Variants in GRID2 observed in about 807,000 individuals in gnomAD.
GRID2 encodes glutamate receptor ionotropic, delta-2.
A neutral mutation model predicts 114.8 loss-of-function variants in GRID2; 33 were observed. The ratio of observed to expected loss-of-function variants is 0.29; its 90% CI spans 0.22 to 0.38. The LOEUF is 0.38. Ranked by LOEUF, GRID2 falls within the 10% of genes least tolerant of loss-of-function variation. GRID2 has a pLI of 1.00. For synonymous variants in GRID2, 505 were observed against 449.9 expected (o/e 1.12, Z -1.55); for missense variants, 1,184 against 1,257.7 (o/e 0.94, Z 0.89).
At chr4:92,643,815 T>C (rs1021113599) in intron 2 of GRID2, among the ~76,000 whole-genome samples, 1 of 151,776 alleles carries the variant, frequency 6.6e-6, no homozygotes, top group Non-Finnish European at 1.5e-5. Flanking sequence ...TTTCAGAAGA[T>C]ATTTTACATT....
chr4:93,364,128 A>G (rs1762122460), intron 8 of GRID2, among the ~76,000 whole-genome samples: 1 of 152,072 alleles, frequency 6.6e-6, no homozygotes, highest in African/African-American at 2.4e-5. Context: ...ATCTGAAGAC[A>G]TATATACATT....
At chr4:93,697,329 T>C (rs746820731) in intron 14 of GRID2, among the ~76,000 whole-genome samples, 2 of 152,140 alleles carry the variant, frequency 1.3e-5, no homozygotes, top group Non-Finnish European at 2.9e-5. Flanking sequence ...TTGAAGTTGA[T>C]TGGCTTATCA....
chr4:93,456,000 A>T, intron 11 of GRID2, 26 bp downstream of exon 11: 6 of 1,332,938 alleles, frequency 4.5e-6, no homozygotes, highest in South Asian at 2.4e-5. Flanking sequence ...ACATTCTAGT[A>T]TTTAAAAAAA....
intron 14 of GRID2, among the ~76,000 whole-genome samples, chr4:93,677,997 T>C (rs1051220928): frequency 1.9e-4 from 29 of 151,756 alleles, no homozygotes; most frequent in Admixed American, 4.6e-4. Context: ...AGGAGGAAAT[T>C]CAAACCAAAG....
intron 1 of GRID2, among the ~76,000 whole-genome samples, chr4:92,325,046 G>A (rs533390105): frequency 9.0e-4 from 136 of 151,952 alleles, no homozygotes; most frequent in African/African-American, 3.0e-3. Context: ...TGAGCATGCT[G>A]TAATATATAT....
intron 2 of GRID2, among the ~76,000 whole-genome samples, chr4:92,804,732 C>T (rs1443959957): frequency 6.6e-6 from 1 of 151,960 alleles, no homozygotes; most frequent in African/African-American, 2.4e-5. Context: ...ACCAAGATTG[C>T]TTTGTGAGTT....
intron 10 of GRID2, among the ~76,000 whole-genome samples, chr4:93,432,284 A>G (rs899421259): frequency 6.6e-6 from 1 of 152,222 alleles, no homozygotes; most frequent in African/African-American, 2.4e-5. Context: ...AGAGATGAAA[A>G]TGTTCATATC....
chr4:93,103,437 CAATG>C (rs1354824468), intron 3 of GRID2, among the ~76,000 whole-genome samples: 1 of 152,014 alleles, frequency 6.6e-6, no homozygotes, highest in Non-Finnish European at 1.5e-5. Context: ...GTAACTAAAA[CAATG>C]AAAGGTTTTC....
intron 12 of GRID2, among the ~76,000 whole-genome samples, chr4:93,505,365 T>A (rs1728526242): frequency 6.6e-6 from 1 of 152,012 alleles, no homozygotes; most frequent in African/African-American, 2.4e-5. Flanking sequence ...ACATAAATTT[T>A]ACAATCATCC....
At chr4:93,635,078 C>T (rs1354761746) in intron 14 of GRID2, among the ~76,000 whole-genome samples, 2 of 152,014 alleles carry the variant, frequency 1.3e-5, no homozygotes, top group Admixed American at 6.6e-5. Context: ...ACCATACAAC[C>T]TACAGATTTC....
At chr4:93,447,987 C>G (rs1021585589) in intron 10 of GRID2, among the ~76,000 whole-genome samples, 23 of 151,808 alleles carry the variant, frequency 1.5e-4, no homozygotes, top group Admixed American at 1.2e-3. Context: ...AAAGTATTAC[C>G]AAACAGGGTT....
At chr4:92,680,394 G>A (rs1579829216) in intron 2 of GRID2, among the ~76,000 whole-genome samples, 1 of 152,068 alleles carries the variant, frequency 6.6e-6, no homozygotes, top group Admixed American at 6.6e-5. Flanking sequence ...AATCAAATTA[G>A]TCAAGGATTA....
intron 13 of GRID2, among the ~76,000 whole-genome samples, chr4:93,563,228 A>C (rs17020763): frequency 6.6e-6 from 1 of 151,986 alleles, no homozygotes; most frequent in African/African-American, 2.4e-5. Flanking sequence ...TTATATCCCT[A>C]TCTGTCTAAA....
At chr4:92,672,175 C>A (rs922128838) in intron 2 of GRID2, among the ~76,000 whole-genome samples, 21 of 152,026 alleles carry the variant, frequency 1.4e-4, no homozygotes, top group African/African-American at 5.1e-4. Flanking sequence ...GTGTCCATCA[C>A]CCACCTTCAA....
chr4:93,075,016 G>T (rs1327120469), intron 2 of GRID2, among the ~76,000 whole-genome samples: 1 of 152,086 alleles, frequency 6.6e-6, no homozygotes, highest in Non-Finnish European at 1.5e-5. Flanking sequence ...AAGTTTCACT[G>T]GTGAGTTCTA....
chr4:92,983,363 C>G (rs1481098243), intron 2 of GRID2, among the ~76,000 whole-genome samples: 1 of 151,910 alleles, frequency 6.6e-6, no homozygotes, highest in Non-Finnish European at 1.5e-5. Flanking sequence ...TTTAAGGTTA[C>G]CTAAGCCCAT....
intron 1 of GRID2, among the ~76,000 whole-genome samples, chr4:92,394,118 C>T (rs1347837412): frequency 2.6e-5 from 4 of 152,138 alleles, no homozygotes; most frequent in Admixed American, 2.6e-4. Context: ...TTTTATGTGA[C>T]ATTGAAATGC....
intron 1 of GRID2, among the ~76,000 whole-genome samples, chr4:92,457,714 C>G (rs557644088): frequency 6.9e-6 from 1 of 144,382 alleles, no homozygotes; most frequent in South Asian, 2.2e-4. Context: ...TCAGCTGAGA[C>G]CTTTTTTTTA....
intron 15 of GRID2, 107 bp from the exon 16 acceptor site, chr4:93,771,969 T>A: frequency 1.5e-6 from 1 of 681,858 alleles, no homozygotes; most frequent in Non-Finnish European, 2.5e-6. Flanking sequence ...GTTAAATGAA[T>A]AAACCCCAAA....
Sources: gnomAD v4.1 joint callset for allele counts (sites outside exome capture counted in the v4.1 genomes callset) on GRCh38, gnomAD v4.1.1 for gene constraint, MANE v1.5 for transcripts, NCBI Gene and HGNC (gene_info 2026-07-23, HGNC 2026-07-21) for gene names.